The following EPHA7 variants were observed in gnomAD, a reference collection of about 807,000 sequenced individuals.
The protein encoded by EPHA7 is EPH receptor A7, also known as ephrin type-A receptor 7.
Under a neutral mutation model 112.6 loss-of-function variants are expected in EPHA7, and 25 were observed. The ratio of observed to expected loss-of-function variants is 0.22; its 90% CI spans 0.16 to 0.31. The LOEUF (loss-of-function observed/expected upper bound fraction) is 0.31, where lower values mean the gene tolerates loss of function less well. Among genes scored for constraint, EPHA7 ranks in the 10% least tolerant of loss-of-function variants. EPHA7 has a pLI of 1.00. For missense variants in EPHA7, 962 were observed against 1,212.6 expected (o/e 0.79, Z 3.07); for synonymous variants, 437 against 406.5 (o/e 1.07, Z -0.90).
At chr6:93,301,548 G>A (rs559400943) in intron 5 of EPHA7, among the ~76,000 whole-genome samples, 5 of 151,928 alleles carry the variant, frequency 3.3e-5, no homozygotes, top group Non-Finnish European at 5.9e-5. Context: ...ATTTAATAGC[G>A]ATTTTTTTAC....
intron 9 of EPHA7, among the ~76,000 whole-genome samples, chr6:93,261,278 C>A (rs1770678292): frequency 6.6e-6 from 1 of 151,498 alleles, no homozygotes; most frequent in African/African-American, 2.4e-5. Context: ...ACTGGACATT[C>A]TATTAAATTC....
chr6:93,415,093 C>A (rs1779161430), intron 1 of EPHA7, among the ~76,000 whole-genome samples: 1 of 151,698 alleles, frequency 6.6e-6, no homozygotes, highest in Non-Finnish European at 1.5e-5. Context: ...TTTTGTAAAC[C>A]ATTGAGCTGT....
At chr6:93,315,147 C>G (rs1180224853) in intron 5 of EPHA7, among the ~76,000 whole-genome samples, 2 of 150,250 alleles carry the variant, frequency 1.3e-5, no homozygotes, top group East Asian at 3.9e-4. Context: ...CAGGCGTGAG[C>G]CACCGCGCCT....
intron 5 of EPHA7, among the ~76,000 whole-genome samples, chr6:93,289,488 G>T (rs1772243999): frequency 6.6e-6 from 1 of 151,894 alleles, no homozygotes; most frequent in African/African-American, 2.4e-5. Context: ...GCTGGGAGTG[G>T]TGGCGAGCAC....
At chr6:93,362,044 G>C (rs1237237856) in intron 3 of EPHA7, among the ~76,000 whole-genome samples, 2 of 151,928 alleles carry the variant, frequency 1.3e-5, no homozygotes, top group African/African-American at 4.8e-5. Flanking sequence ...TTTAATAACA[G>C]TATTTTTACA....
At chr6:93,337,725 C>T (rs1008084253) in intron 5 of EPHA7, among the ~76,000 whole-genome samples, 1 of 152,092 alleles carries the variant, frequency 6.6e-6, no homozygotes, top group Non-Finnish European at 1.5e-5. Flanking sequence ...CTGGAGCTCT[C>T]AAGTTAGATA....
chr6:93,366,196 T>A (rs1776500228), intron 3 of EPHA7, among the ~76,000 whole-genome samples: 1 of 152,210 alleles, frequency 6.6e-6, no homozygotes, highest in Admixed American at 6.5e-5. Flanking sequence ...TTATGTATTC[T>A]ACTTTATAAA....
At chr6:93,299,807 G>C (rs1772879016) in intron 5 of EPHA7, among the ~76,000 whole-genome samples, 1 of 152,178 alleles carries the variant, frequency 6.6e-6, no homozygotes, top group Non-Finnish European at 1.5e-5. Flanking sequence ...AAAAGAATGA[G>C]ATCACGTCTT....
At chr6:93,388,204 G>A (rs1266398835) in intron 3 of EPHA7, among the ~76,000 whole-genome samples, 1 of 152,064 alleles carries the variant, frequency 6.6e-6, no homozygotes, top group Non-Finnish European at 1.5e-5. Flanking sequence ...TTCCATGAAA[G>A]CAAATATAAT....
intron 5 of EPHA7, among the ~76,000 whole-genome samples, chr6:93,344,839 C>T (rs1204329474): frequency 6.6e-6 from 1 of 151,478 alleles, no homozygotes; most frequent in Admixed American, 6.6e-5. Context: ...TTGTCATGTG[C>T]TTCTGAGATT....
chr6:93,342,067 G>C (rs936438839), intron 5 of EPHA7, among the ~76,000 whole-genome samples: 2 of 151,772 alleles, frequency 1.3e-5, no homozygotes, highest in African/African-American at 4.8e-5. Flanking sequence ...TACTTGGTGA[G>C]ATTAATTACC....
At chr6:93,272,913 G>A (rs1270012738) in intron 5 of EPHA7, among the ~76,000 whole-genome samples, 2 of 152,000 alleles carry the variant, frequency 1.3e-5, no homozygotes, top group East Asian at 3.9e-4. Flanking sequence ...TTCACTTGGT[G>A]TGTGTATACT....
At chr6:93,408,153 T>C (rs79949487) in intron 3 of EPHA7, among the ~76,000 whole-genome samples, 1,690 of 152,198 alleles carry the variant, frequency 0.011, 28 homozygotes, top group African/African-American at 0.039. Context: ...TTTAATTGTG[T>C]ACTTTTATAT....
chr6:93,291,576 G>A (rs1017660678), intron 5 of EPHA7, among the ~76,000 whole-genome samples: 4 of 150,532 alleles, frequency 2.7e-5, no homozygotes, highest in African/African-American at 9.8e-5. Context: ...AGACCATCCC[G>A]GCTAAAACGG....
chr6:93,330,755 C>T (rs1230800422), intron 5 of EPHA7, among the ~76,000 whole-genome samples: 1 of 151,292 alleles, frequency 6.6e-6, no homozygotes, highest in Non-Finnish European at 1.5e-5. Flanking sequence ...CATAGGGGTG[C>T]AGATAGCTCT....
In EPHA7 at chr6:93,357,030, G is replaced by C; in HGVS notation, c.1011C>G (p.Asn337Lys). 6.2e-7 allele frequency: 1 copy of C among 1,612,580 alleles called. No individual in the cohort carries two copies. The highest frequency in any genetic ancestry group is 1.1e-5 in the South Asian group (1 of 91,054). The change falls in exon 5 of 17, where the codon AAC becomes AAG. Residue 337 changes from asparagine (N) to lysine (K), a missense_variant. Asn to Lys is a moderately conservative substitution (Grantham distance 94, BLOSUM62 0). Around this residue, in one of 3 missense-constraint regions of EPHA7, gnomAD observed 746 missense variants for 889.2 expected, o/e 0.84. Transcript: ENST00000369303. ...TGGTTTGGTTGATGTTGAAAATGAG[G>C]TTCTGTGGTGCAGATGGAGGCCCTT... is the stretch of plus-strand genomic sequence containing the variant. ...ACTRPPSAPQ[N>K]LIFNINQTTV...
At chr6:93,288,426 G>A (rs1772183628) in intron 5 of EPHA7, among the ~76,000 whole-genome samples, 1 of 152,136 alleles carries the variant, frequency 6.6e-6, no homozygotes, top group Admixed American at 6.5e-5. Flanking sequence ...CATGTAAATG[G>A]GCAGAAGGGA....
chr6:93,358,443 C>T (rs753547797), intron 3 of EPHA7, 32 bp from the exon 4 acceptor site: 28 of 1,554,904 alleles, frequency 1.8e-5, no homozygotes, highest in Non-Finnish European at 2.4e-5. Context: ...AAAATTGAGA[C>T]ATGAGAGCAA....
chr6:93,318,526 A>T (rs1033432504), intron 5 of EPHA7, among the ~76,000 whole-genome samples: 1 of 152,136 alleles, frequency 6.6e-6, no homozygotes, highest in Admixed American at 6.6e-5. Flanking sequence ...AATATATTTA[A>T]TTTAAAAAAT....
Sources: gnomAD v4.1 joint callset for allele counts (sites outside exome capture counted in the v4.1 genomes callset) on GRCh38, gnomAD v4.1.1 for gene constraint, gnomAD v4.1.1 regional missense constraint, MANE v1.5 for transcripts, NCBI Gene and HGNC (gene_info 2026-07-23, HGNC 2026-07-21) for gene names.